IMMP2L: variants seen among roughly 807,000 people sequenced by gnomAD.
IMMP2L encodes inner mitochondrial membrane peptidase subunit 2.
A neutral mutation model predicts 19.3 loss-of-function variants in IMMP2L; 18 were observed. The ratio of observed to expected loss-of-function variants is 0.93; its 90% confidence interval spans 0.64 to 1.38. The LOEUF is 1.38. Ranked by LOEUF, IMMP2L falls within the 40% of genes most tolerant of loss-of-function variation. The probability of loss-of-function intolerance (pLI) is 0.00; values close to 1 mark genes in which losing one functional copy is unlikely to be tolerated. For synonymous variants in IMMP2L, 76 were observed against 73.0 expected, an observed-to-expected ratio of 1.04 and a Z score of -0.21; for missense variants, 233 against 218.2, an observed-to-expected ratio of 1.07 and a Z score of -0.43.
At chr7:111,212,595 A>G (rs868429760) in intron 3 of IMMP2L, among the ~76,000 whole-genome samples, 10 of 151,974 alleles carry the variant, frequency 6.6e-5, no homozygotes, top group African/African-American at 1.4e-4. Flanking sequence ...TAGGCAACAG[A>G]GTGGGACCCT....
rs1358666988 is a variant in IMMP2L at position 111,539,188 on chromosome 7, GAAGGAGGGAGAAAGAAAGAAAGAAAGAA to G, written c.-2-17767_-2-17740del. On this transcript the variant is annotated intron_variant, in intron 1 of 5. Coordinates refer to ENST00000405709, the MANE Select transcript of IMMP2L (RefSeq NM_032549.4). Reference sequence around the variant, plus strand: ...GGAAGGAAGGAAGGAAGGAAGGAAGGAAGGAGGGAGAAAGAAAGAAAGAAAGAAAGAAAGAAAGAAAGAAAGAAAGAAA... The same window carrying G: ...GGAAGGAAGGAAGGAAGGAAGGAAGGAGAAAGAAAGAAAGAAAGAAAGAAA... Among the ~76,000 whole-genome samples the G allele has an allele frequency of 2.7e-3, 186 of 69,072 alleles. 2 individuals are homozygous for G. The highest frequency in any genetic ancestry group is 0.024 in the Middle Eastern group (4 of 166). The allele number at this position is 69,072 out of a possible 152,430, so 45.3% of individuals were successfully genotyped here.
At chr7:111,522,938 T>TATATGTATATATATATATATATA (rs199823915) in intron 1 of IMMP2L, among the ~76,000 whole-genome samples, 23 of 148,758 alleles carry the variant, frequency 1.5e-4, no homozygotes, top group South Asian at 2.1e-4. Flanking sequence ...TATATATATA[T>TATATGTATATATATATATATATA]TATTTCACCA....
chr7:111,505,527 A>G (rs1446655474), intron 2 of IMMP2L, among the ~76,000 whole-genome samples: 1 of 151,278 alleles, frequency 6.6e-6, no homozygotes. Context: ...ACACACATAT[A>G]TATTGTGGCA....
At chr7:111,265,691 AG>A (rs1470783768) in intron 3 of IMMP2L, among the ~76,000 whole-genome samples, 2 of 152,192 alleles carry the variant, frequency 1.3e-5, no homozygotes, top group Admixed American at 1.3e-4. Flanking sequence ...AGGTCTGCTT[AG>A]AAATTGCTCA....
chr7:110,741,551 C>A (rs1381932480), intron 5 of IMMP2L, among the ~76,000 whole-genome samples: 1 of 152,214 alleles, frequency 6.6e-6, no homozygotes, highest in Non-Finnish European at 1.5e-5. Flanking sequence ...GAGCAGAAAG[C>A]AAGCCCTCAT....
intron 5 of IMMP2L, among the ~76,000 whole-genome samples, chr7:110,804,798 C>T (rs770656732): frequency 4.6e-5 from 7 of 152,088 alleles, no homozygotes; most frequent in African/African-American, 1.7e-4. Context: ...ATGAGGACTA[C>T]TTACAGGATG....
chr7:110,824,262 T>C (rs1187539565), intron 5 of IMMP2L, among the ~76,000 whole-genome samples: 1 of 152,126 alleles, frequency 6.6e-6, no homozygotes, highest in African/African-American at 2.4e-5. Context: ...CTTTAGCCCC[T>C]AATCATTTTC....
At chr7:111,311,176 C>T (rs909440676) in intron 3 of IMMP2L, among the ~76,000 whole-genome samples, 19 of 151,948 alleles carry the variant, frequency 1.3e-4, no homozygotes, top group Non-Finnish European at 2.2e-4. Context: ...CAGAGGATAT[C>T]TAGTCAAGGT....
At chr7:111,401,959 T>C (rs1188223067) in intron 3 of IMMP2L, among the ~76,000 whole-genome samples, 2 of 151,506 alleles carry the variant, frequency 1.3e-5, no homozygotes, top group African/African-American at 2.4e-5. Context: ...AAAAAAATAA[T>C]AGAAGCCAGG....
chr7:111,106,294 T>C (rs1798539879), intron 3 of IMMP2L, among the ~76,000 whole-genome samples: 1 of 151,942 alleles, frequency 6.6e-6, no homozygotes, highest in South Asian at 2.1e-4. Context: ...TTGTTCTCCT[T>C]ATTTAATGGC....
At chr7:111,097,504 T>A (rs1446498563) in intron 3 of IMMP2L, among the ~76,000 whole-genome samples, 2 of 151,916 alleles carry the variant, frequency 1.3e-5, no homozygotes, top group African/African-American at 4.8e-5. Flanking sequence ...ATTTGTTCTA[T>A]AATTTATAGT....
chr7:110,781,804 T>C (rs997375941), intron 5 of IMMP2L, among the ~76,000 whole-genome samples: 2 of 151,918 alleles, frequency 1.3e-5, no homozygotes, highest in Non-Finnish European at 2.9e-5. Context: ...CCTACCTAAT[T>C]ATACTTATTT....
At chr7:111,206,691 AATT>A (rs149561206) in intron 3 of IMMP2L, among the ~76,000 whole-genome samples, 1 of 152,282 alleles carries the variant, frequency 6.6e-6, no homozygotes, top group African/African-American at 2.4e-5. Context: ...TGTACAGTTG[AATT>A]ATTATTAACT....
chr7:111,357,708 G>A (rs1430714074), intron 3 of IMMP2L, among the ~76,000 whole-genome samples: 1 of 151,946 alleles, frequency 6.6e-6, no homozygotes, highest in Non-Finnish European at 1.5e-5. Context: ...CTATCAAACT[G>A]GTTTTAATGA....
chr7:111,082,760 G>A (rs1194007227), intron 3 of IMMP2L, among the ~76,000 whole-genome samples: 1 of 150,628 alleles, frequency 6.6e-6, no homozygotes, highest in Non-Finnish European at 1.5e-5. Context: ...TTTATAAAAG[G>A]TTAAAGATGT....
At position 111,556,018 on chromosome 7, in the gene IMMP2L, G is replaced by GTGTGTGTA. The variant is rs777862357; in HGVS notation, c.-3+5832_-3+5833insTACACACA. Among the ~76,000 whole-genome samples, 9 of 91,334 alleles carry GTGTGTGTA rather than the reference G, an allele frequency of 9.9e-5. 1 individual carries two copies. The highest frequency in any genetic ancestry group is 2.9e-4 in the African/African-American group (8 of 27,584). The allele number at this position is 91,334 out of a possible 152,430, so 59.9% of individuals were successfully genotyped here. On this transcript the variant is annotated intron_variant, in intron 1 of 5. Coordinates refer to ENST00000405709, the MANE Select transcript of IMMP2L (RefSeq NM_032549.4). ...TTAGCCATCCCTCTTCTGTGTGCAT[G>GTGTGTGTA]TATATATATATATATATACATACCC...
intron 3 of IMMP2L, among the ~76,000 whole-genome samples, chr7:111,339,766 T>C (rs894078830): frequency 1.3e-4 from 20 of 152,064 alleles, no homozygotes; most frequent in Admixed American, 7.9e-4. Flanking sequence ...TATACTTGCA[T>C]AGTAAAAGAA....
At chr7:111,212,220 G>C (rs994061719) in intron 3 of IMMP2L, among the ~76,000 whole-genome samples, 2 of 152,016 alleles carry the variant, frequency 1.3e-5, no homozygotes, top group East Asian at 1.9e-4. Context: ...TTATAAGGAA[G>C]AGTCAGGGAA....
chr7:111,396,475 G>A (rs1377230173), intron 3 of IMMP2L, among the ~76,000 whole-genome samples: 1 of 151,998 alleles, frequency 6.6e-6, no homozygotes, highest in Admixed American at 6.6e-5. Flanking sequence ...ACAGGGAGGG[G>A]AACATCACAC....
Sources: allele counts gnomAD v4.1 joint callset (sites outside exome capture counted in the v4.1 genomes callset), GRCh38; gene constraint gnomAD v4.1.1; transcripts MANE v1.5; gene names NCBI Gene and HGNC (gene_info 2026-07-23, HGNC 2026-07-21).